ARHGAP15: variants seen among roughly 807,000 people sequenced by gnomAD.
ARHGAP15 encodes the protein rho GTPase-activating protein 15.
Under a neutral mutation model 63.7 loss-of-function variants are expected in ARHGAP15, and 51 were observed. That is an observed-to-expected ratio of 0.80 (90% CI 0.64 to 1.01). The LOEUF (loss-of-function observed/expected upper bound fraction) is 1.01, where lower values mean the gene tolerates loss of function less well. Ranked by LOEUF, ARHGAP15 falls within the 50% of genes least tolerant of loss-of-function variation. The pLI is 0.00. For missense variants in ARHGAP15, 560 were observed against 564.6 expected (o/e 0.99, Z 0.08); for synonymous variants, 191 against 193.8 (o/e 0.99, Z 0.12).
At chr2:143,646,548 G>A (rs2105287602) in intron 12 of ARHGAP15, among the ~76,000 whole-genome samples, 1 of 152,132 alleles carries the variant, frequency 6.6e-6, no homozygotes, top group Admixed American at 6.5e-5. Context: ...GGTCTCGTAT[G>A]TCCTTAGAGA....
intron 2 of ARHGAP15, among the ~76,000 whole-genome samples, chr2:143,196,223 T>C (rs1691881204): frequency 6.6e-6 from 1 of 150,876 alleles, no homozygotes; most frequent in African/African-American, 2.4e-5. Context: ...AGGGAGAGAG[T>C]GGTGGGTGGT....
chr2:143,726,721 TGTAAC>T (rs1481882842), intron 13 of ARHGAP15, among the ~76,000 whole-genome samples: 1 of 152,230 alleles, frequency 6.6e-6, no homozygotes, highest in Non-Finnish European at 1.5e-5. Context: ...ATATTTCACA[TGTAAC>T]GTACTTCTGA....
chr2:143,309,517 T>A (rs1350566553), intron 6 of ARHGAP15, among the ~76,000 whole-genome samples: 2 of 152,108 alleles, frequency 1.3e-5, no homozygotes, highest in Non-Finnish European at 2.9e-5. Flanking sequence ...GTACATCGGA[T>A]ACACTCCACA....
intron 6 of ARHGAP15, among the ~76,000 whole-genome samples, chr2:143,417,224 C>T (rs1374445184): frequency 1.3e-5 from 2 of 152,008 alleles, no homozygotes; most frequent in Non-Finnish European, 2.9e-5. Flanking sequence ...ATAATATGCT[C>T]ATTACTTGTC....
At chr2:143,212,886 C>T (rs1558817388) in intron 3 of ARHGAP15, among the ~76,000 whole-genome samples, 1 of 152,244 alleles carries the variant, frequency 6.6e-6, no homozygotes, top group East Asian at 1.9e-4. Context: ...AGTAATTAAT[C>T]CTACCTCGTG....
chr2:143,710,928 G>A (rs367713786), intron 13 of ARHGAP15, among the ~76,000 whole-genome samples: 1 of 152,204 alleles, frequency 6.6e-6, no homozygotes, highest in East Asian at 1.9e-4. Context: ...TTTGGTAACT[G>A]TAAAATTCTA....
At chr2:143,715,977 C>G (rs1199506287) in intron 13 of ARHGAP15, among the ~76,000 whole-genome samples, 4 of 152,238 alleles carry the variant, frequency 2.6e-5, no homozygotes, top group Non-Finnish European at 5.9e-5. Context: ...GGAATCCTTT[C>G]AACACACATT....
chr2:143,367,315 C>T (rs531373113), intron 6 of ARHGAP15, among the ~76,000 whole-genome samples: 1 of 152,042 alleles, frequency 6.6e-6, no homozygotes, highest in African/African-American at 2.4e-5. Flanking sequence ...GCCCTTCCTA[C>T]AGTTGAAAAA....
intron 8 of ARHGAP15, among the ~76,000 whole-genome samples, chr2:143,461,149 G>T (rs1690914391): frequency 6.6e-6 from 1 of 151,814 alleles, no homozygotes; most frequent in Non-Finnish European, 1.5e-5. Context: ...AATTAGCCAG[G>T]CACGGTGGCG....
chr2:143,169,674 G>A (rs755465150), intron 2 of ARHGAP15, among the ~76,000 whole-genome samples: 10 of 151,824 alleles, frequency 6.6e-5, no homozygotes, highest in Non-Finnish European at 1.5e-4. Flanking sequence ...AAATCAAAGT[G>A]TCAGTCATGG....
chr2:143,679,545 A>G (rs1238036583), intron 12 of ARHGAP15, among the ~76,000 whole-genome samples: 2 of 152,148 alleles, frequency 1.3e-5, no homozygotes, highest in Non-Finnish European at 2.9e-5. Context: ...TCTGCCCAAG[A>G]TAGCTTGAAA....
At chr2:143,441,380 GA>G (rs1689874656) in intron 8 of ARHGAP15, among the ~76,000 whole-genome samples, 1 of 152,148 alleles carries the variant, frequency 6.6e-6, no homozygotes, top group African/African-American at 2.4e-5. Flanking sequence ...AAGGAGCCAA[GA>G]AACACTCTTG....
chr2:143,173,218 C>G (rs1253975895), intron 2 of ARHGAP15, among the ~76,000 whole-genome samples: 2 of 151,840 alleles, frequency 1.3e-5, no homozygotes, highest in South Asian at 2.1e-4. Flanking sequence ...TTAAAAAACC[C>G]GAGATGTTTG....
intron 10 of ARHGAP15, among the ~76,000 whole-genome samples, chr2:143,546,583 G>C (rs1695340905): frequency 6.6e-6 from 1 of 152,166 alleles, no homozygotes; most frequent in South Asian, 2.1e-4. Flanking sequence ...CCCCACTGCT[G>C]TGTAGATCTC....
At chr2:143,379,963 C>A (rs1310238472) in intron 6 of ARHGAP15, among the ~76,000 whole-genome samples, 1 of 151,854 alleles carries the variant, frequency 6.6e-6, no homozygotes, top group Non-Finnish European at 1.5e-5. Flanking sequence ...ACAAAATTAC[C>A]CATTTTTGTA....
At chr2:143,512,548 C>A (rs1236167619) in intron 9 of ARHGAP15, among the ~76,000 whole-genome samples, 1 of 152,218 alleles carries the variant, frequency 6.6e-6, no homozygotes, top group East Asian at 1.9e-4. Context: ...AGCAGTGGAT[C>A]CCATTGAGCT....
chr2:143,436,481 G>A (rs943140984), intron 7 of ARHGAP15, among the ~76,000 whole-genome samples: 2 of 152,144 alleles, frequency 1.3e-5, no homozygotes, highest in African/African-American at 4.8e-5. Context: ...GTGTGTGTGT[G>A]AATGTGTGTG....
chr2:143,213,335 G>C (rs947033616), intron 3 of ARHGAP15, among the ~76,000 whole-genome samples: 1 of 152,100 alleles, frequency 6.6e-6, no homozygotes. Context: ...CCAACATGGA[G>C]AAACACTGTC....
chr2:143,224,905 G>A (rs1050804516), intron 4 of ARHGAP15, among the ~76,000 whole-genome samples: 3 of 152,222 alleles, frequency 2.0e-5, no homozygotes, highest in African/African-American at 7.2e-5. Context: ...GGACATGGAT[G>A]AAGCTGGATA....
Sources: gnomAD v4.1 joint callset for allele counts (sites outside exome capture counted in the v4.1 genomes callset) on GRCh38, gnomAD v4.1.1 for gene constraint, MANE v1.5 for transcripts, NCBI Gene and HGNC (gene_info 2026-07-23, HGNC 2026-07-21) for gene names.